CDYL: variants seen among roughly 807,000 people sequenced by gnomAD.
CDYL encodes chromodomain Y like.
CDYL carries 8 observed loss-of-function variants against 47.3 expected under a neutral mutation model. The ratio of observed to expected loss-of-function variants is 0.17; its 90% CI spans 0.10 to 0.31. The LOEUF is 0.31. Ranked by LOEUF, CDYL falls within the 10% of genes least tolerant of loss-of-function variation. CDYL has a pLI of 1.00. For synonymous variants in CDYL, 266 were observed against 265.0 expected (o/e 1.00, Z -0.04); for missense variants, 471 against 701.4 (o/e 0.67, Z 3.71).
At chr6:4,820,624 C>A (rs1220319249) in intron 1 of CDYL, among the ~76,000 whole-genome samples, 1 of 152,104 alleles carries the variant, frequency 6.6e-6, no homozygotes. Context: ...TCTCCCCCAC[C>A]AGATTGTATT....
chr6:4,781,002 A>G (rs1758604246), intron 1 of CDYL, among the ~76,000 whole-genome samples: 1 of 152,122 alleles, frequency 6.6e-6, no homozygotes, highest in Non-Finnish European at 1.5e-5. Context: ...GTAGATGTGG[A>G]GTTATTCCCT....
At chr6:4,897,459 C>T (rs1243262715) in intron 2 of CDYL, among the ~76,000 whole-genome samples, 1 of 152,216 alleles carries the variant, frequency 6.6e-6, no homozygotes, top group African/African-American at 2.4e-5. Flanking sequence ...GTGTGATTTC[C>T]TCTCAGTAAG....
At chr6:4,842,695 G>T (rs1318919312) in intron 1 of CDYL, among the ~76,000 whole-genome samples, 3 of 152,132 alleles carry the variant, frequency 2.0e-5, no homozygotes, top group African/African-American at 7.2e-5. Context: ...ACAGATACTA[G>T]GTGAATTCTT....
chr6:4,828,019 A>G (rs551103816), intron 1 of CDYL, among the ~76,000 whole-genome samples: 1 of 152,286 alleles, frequency 6.6e-6, no homozygotes, highest in Admixed American at 6.5e-5. Context: ...ATACAGTACT[A>G]CTGGCTTTTA....
intron 1 of CDYL, among the ~76,000 whole-genome samples, chr6:4,791,613 A>G (rs1190363745): frequency 3.3e-5 from 5 of 152,112 alleles, no homozygotes; most frequent in Non-Finnish European, 7.3e-5. Context: ...AGGCCCTCTG[A>G]ATTTCTAGCA....
chr6:4,778,954 G>T (rs141538457), intron 1 of CDYL, among the ~76,000 whole-genome samples: 118 of 152,280 alleles, frequency 7.7e-4, no homozygotes, highest in African/African-American at 2.7e-3. Context: ...GTGAAATTGG[G>T]ATCAGTGTTT....
At chr6:4,912,486 A>G (rs1445468267) in intron 2 of CDYL, among the ~76,000 whole-genome samples, 2 of 152,270 alleles carry the variant, frequency 1.3e-5, no homozygotes, top group African/African-American at 4.8e-5. Context: ...GCAGGGGCGG[A>G]ACGCCGTAGG....
intron 2 of CDYL, among the ~76,000 whole-genome samples, chr6:4,925,569 C>T (rs1757847678): frequency 6.6e-6 from 1 of 152,024 alleles, no homozygotes; most frequent in South Asian, 2.1e-4. Context: ...GCACCCGCCA[C>T]CACACTCGGC....
chr6:4,941,429 G>A (rs907400764), intron 4 of CDYL, among the ~76,000 whole-genome samples: 2 of 152,124 alleles, frequency 1.3e-5, no homozygotes, highest in African/African-American at 4.8e-5. Flanking sequence ...GTCTCTGTGT[G>A]CACCACATCC....
At chr6:4,757,482 A>G (rs941195915) in intron 3 of CDYL, among the ~76,000 whole-genome samples, 1 of 152,186 alleles carries the variant, frequency 6.6e-6, no homozygotes, top group Non-Finnish European at 1.5e-5. Context: ...TATTACCTCA[A>G]ATGCTTGGAA....
intron 1 of CDYL, among the ~76,000 whole-genome samples, chr6:4,788,009 T>TG (rs765454073): frequency 7.3e-5 from 11 of 150,782 alleles, no homozygotes; most frequent in Non-Finnish European, 1.6e-4. Context: ...TGACCTCAAC[T>TG]GATCTGCCCA....
At chr6:4,732,132 T>G (rs929555589) in intron 2 of CDYL, among the ~76,000 whole-genome samples, 1 of 151,316 alleles carries the variant, frequency 6.6e-6, no homozygotes, top group Admixed American at 6.6e-5. Flanking sequence ...CCAAGGAGTT[T>G]GGGACTGGCC....
Position 4,885,853 on chromosome 6 carries a change from A to G in CDYL, c.25-5860A>G, listed in dbSNP as rs915326985. ...CCGTCACCACAGTTGAGTTTTGTAC[A>G]TTTTCATCACCTCAAAAAGAAATCT... is the stretch of plus-strand genomic sequence containing the variant. On this transcript the variant is annotated intron_variant, in intron 1 of 6. Coordinates refer to ENST00000397588, the MANE Select transcript of CDYL (RefSeq NM_004824.4). 2.0e-5 allele frequency among the ~76,000 whole-genome samples: 3 copies of G among 151,898 alleles called. No homozygotes were observed. The East Asian group carries it at 5.8e-4, about 29-fold the overall frequency.
chr6:4,871,858 C>A (rs571803177), intron 1 of CDYL, among the ~76,000 whole-genome samples: 1 of 152,318 alleles, frequency 6.6e-6, no homozygotes, highest in Non-Finnish European at 1.5e-5. Flanking sequence ...TTCCCACTGA[C>A]CCCTAATATT....
chr6:4,806,671 C>A (rs146155638), intron 1 of CDYL, among the ~76,000 whole-genome samples: 38 of 152,282 alleles, frequency 2.5e-4, no homozygotes, highest in African/African-American at 9.1e-4. Context: ...GATCCTGTCT[C>A]TTTAGGCTCC....
chr6:4,826,244 CTT>C (rs926342775), intron 1 of CDYL, among the ~76,000 whole-genome samples: 3 of 152,040 alleles, frequency 2.0e-5, no homozygotes, highest in Non-Finnish European at 2.9e-5. Flanking sequence ...TTATTTGTGT[CTT>C]TTCTTTTTTT....
At chr6:4,875,634 G>C (rs1761599832) in intron 1 of CDYL, among the ~76,000 whole-genome samples, 1 of 152,164 alleles carries the variant, frequency 6.6e-6, no homozygotes, top group Non-Finnish European at 1.5e-5. Context: ...TCATATCTGT[G>C]ACTTTACTGA....
At chr6:4,900,809 A>ATG (rs1933122325) in intron 2 of CDYL, among the ~76,000 whole-genome samples, 1 of 95,932 alleles carries the variant, frequency 1.0e-5, no homozygotes, top group Admixed American at 9.5e-5. Flanking sequence ...ATATATATAT[A>ATG]TATATATATA....
chr6:4,931,279 A>G (rs922506921), intron 2 of CDYL, among the ~76,000 whole-genome samples: 4 of 152,232 alleles, frequency 2.6e-5, no homozygotes, highest in Admixed American at 2.0e-4. Context: ...TAAAAATACA[A>G]TGAGAAAGAA....
Sources: gnomAD v4.1 joint callset for allele counts (sites outside exome capture counted in the v4.1 genomes callset) on GRCh38, gnomAD v4.1.1 for gene constraint, MANE v1.5 for transcripts, NCBI Gene and HGNC (gene_info 2026-07-23, HGNC 2026-07-21) for gene names.